Variants in DMXL1 observed in about 807,000 individuals in gnomAD.
The protein encoded by DMXL1 is Dmx like 1, also known as dmX-like protein 1.
DMXL1 carries 99 observed loss-of-function variants against 319.2 expected under a neutral mutation model. The ratio of observed to expected loss-of-function variants is 0.31; its 90% CI spans 0.26 to 0.37. The LOEUF is 0.37. Ranked by LOEUF, DMXL1 falls within the 10% of genes least tolerant of loss-of-function variation. The pLI is 1.00. For missense variants in DMXL1, 3,745 were observed against 3,595.6 expected, an observed-to-expected ratio of 1.04 and a Z score of -1.06; for synonymous variants, 1,385 against 1,235.2, an observed-to-expected ratio of 1.12 and a Z score of -2.54.
chr5:119,116,415 G>GAGA, intron 7 of DMXL1, 79 bp downstream of exon 7: 1 of 1,461,892 alleles, frequency 6.8e-7, no homozygotes, highest in Non-Finnish European at 9.4e-7. Context: ...TCACTTTTGA[G>GAGA]AGTCCATAGT....
chr5:119,187,352 A>T (rs978137228), intron 28 of DMXL1, among the ~76,000 whole-genome samples: 5 of 152,200 alleles, frequency 3.3e-5, no homozygotes, highest in Non-Finnish European at 7.3e-5. Flanking sequence ...AACGTTCTTG[A>T]TATTTGATTA....
chr5:119,174,343 C>CA, intron 25 of DMXL1, among the ~76,000 whole-genome samples: 1 of 152,104 alleles, frequency 6.6e-6, no homozygotes, highest in East Asian at 1.9e-4. Context: ...TCTGTTGGGT[C>CA]CTCTTGGTCG....
chr5:119,170,383 T>C lies in DMXL1; in HGVS notation c.5592T>C (p.Ala1864=). The C allele has an allele frequency of 6.2e-7, 1 of 1,613,986 alleles. No homozygotes were observed. The highest frequency in any genetic ancestry group is 8.5e-7 in the Non-Finnish European group (1 of 1,179,944). The change falls in exon 24 of 44, where the codon GCT becomes GCC. Residue 1864 remains alanine (A), a synonymous_variant. Transcript: ENST00000539542. Reference sequence around the variant, plus strand: ...GTTTATTTTTTACCACTGCCAGTGCTCATTTAAAAGCTGGCTGCCCAATGT... The same window carrying C: ...GTTTATTTTTTACCACTGCCAGTGCCCATTTAAAAGCTGGCTGCCCAATGT... ...ERRLFFTTAS[A]HLKAGCPMLA...
At chr5:119,072,534 TC>T (rs1749852975) in intron 1 of DMXL1, among the ~76,000 whole-genome samples, 1 of 152,200 alleles carries the variant, frequency 6.6e-6, no homozygotes, top group African/African-American at 2.4e-5. Flanking sequence ...TAGGCTTTTT[TC>T]TTTAAAAAAA....
chr5:119,147,624 CATT>C, intron 17 of DMXL1, 154 bp downstream of exon 17: 2 of 535,158 alleles, frequency 3.7e-6, no homozygotes, highest in Non-Finnish European at 6.6e-6. Flanking sequence ...TTATAGTTCT[CATT>C]ATGTTTTCAG....
chr5:119,135,294 CAG>C (rs1421553389), intron 13 of DMXL1, among the ~76,000 whole-genome samples: 10 of 151,804 alleles, frequency 6.6e-5, no homozygotes, highest in Non-Finnish European at 1.3e-4. Flanking sequence ...AGGAAGAAAA[CAG>C]ATAAAAATAT....
At chr5:119,173,756 ATATATATATATGTGTGTGTG>A (rs1775150000) in intron 25 of DMXL1, among the ~76,000 whole-genome samples, 1 of 97,490 alleles carries the variant, frequency 1.0e-5, no homozygotes, top group Non-Finnish European at 1.9e-5. Context: ...ATGTGTGTGT[ATATATATATATGTGTGTGTG>A]TATATATATA....
intron 42 of DMXL1, among the ~76,000 whole-genome samples, chr5:119,241,501 C>G (rs979413002): frequency 3.4e-5 from 5 of 145,862 alleles, no homozygotes; most frequent in African/African-American, 1.0e-4. Context: ...AGCCACTGCT[C>G]TCCAGCCTGG....
intron 10 of DMXL1, among the ~76,000 whole-genome samples, chr5:119,129,897 C>T (rs1245645083): frequency 6.6e-6 from 1 of 152,198 alleles, no homozygotes; most frequent in South Asian, 2.1e-4. Flanking sequence ...GAAAGCATAG[C>T]TATTTGTCAG....
chr5:119,137,157 A>G (rs370712746), intron 13 of DMXL1, among the ~76,000 whole-genome samples: 2 of 152,258 alleles, frequency 1.3e-5, no homozygotes, highest in African/African-American at 4.8e-5. Context: ...CCCTGGATGC[A>G]AGACATGTAG....
intron 19 of DMXL1, among the ~76,000 whole-genome samples, chr5:119,152,608 GTC>G (rs1770061863): frequency 6.6e-6 from 1 of 152,160 alleles, no homozygotes; most frequent in African/African-American, 2.4e-5. Context: ...ACTTTGAACT[GTC>G]TTAGCATAAC....
At chr5:119,100,528 T>C (rs1757014951) in intron 2 of DMXL1, 1 of 152,116 alleles carries the variant, frequency 6.6e-6, no homozygotes, top group African/African-American at 2.4e-5. Context: ...CCTAATTCAT[T>C]TTTCTGAGAA....
At chr5:119,114,147 A>G (rs1297527722) in intron 5 of DMXL1, among the ~76,000 whole-genome samples, 1 of 152,228 alleles carries the variant, frequency 6.6e-6, no homozygotes, top group Non-Finnish European at 1.5e-5. Context: ...ATGTTGGCAT[A>G]TAGGGATCCA....
At chr5:119,221,732 A>G (rs1784678860) in intron 37 of DMXL1, among the ~76,000 whole-genome samples, 2 of 152,070 alleles carry the variant, frequency 1.3e-5, no homozygotes, top group South Asian at 4.1e-4. Context: ...ATATCAATTA[A>G]TAACTATATC....
chr5:119,215,359 G>C (rs1190393542), intron 34 of DMXL1, among the ~76,000 whole-genome samples: 2 of 152,028 alleles, frequency 1.3e-5, no homozygotes, highest in African/African-American at 4.8e-5. Flanking sequence ...CTGGGCTGGA[G>C]TACAATGGCT....
At chr5:119,102,101 C>T in intron 3 of DMXL1, 95 bp downstream of exon 3, 1 of 688,278 alleles carries the variant, frequency 1.5e-6, no homozygotes, top group Non-Finnish European at 2.4e-6. Context: ...ATCGGTATTA[C>T]TTATATACTG....
intron 35 of DMXL1, among the ~76,000 whole-genome samples, chr5:119,218,794 G>A (rs1475699333): frequency 6.6e-6 from 1 of 152,160 alleles, no homozygotes; most frequent in Non-Finnish European, 1.5e-5. Context: ...TAAATTTGCA[G>A]CTGAGAAATA....
In DMXL1 at chr5:119,164,659, C is replaced by A. The variant is rs201096718; in HGVS notation, c.4855C>A (p.Arg1619Ser). 3.8e-6 allele frequency: 6 copies of A among 1,598,174 alleles called. No individual in the cohort carries two copies. In the Admixed American group the frequency reaches 8.5e-5, roughly 23 times the overall value. The change falls in exon 20 of 44, where the codon CGC becomes AGC. Residue 1619 changes from arginine to serine, a missense_variant. Transcript: ENST00000539542. ...GTGGGTCCGGAATACCCGCATCTTA[C>A]GCAAATGCATAGAAAAAGTAAGTGT... Reference protein sequence around the residue: ...GWWVRNTRILRKCIEKVAKAA... With the variant: ...GWWVRNTRILSKCIEKVAKAA...
At chr5:119,229,882 G>A (rs1786343196) in intron 38 of DMXL1, among the ~76,000 whole-genome samples, 1 of 152,080 alleles carries the variant, frequency 6.6e-6, no homozygotes, top group African/African-American at 2.4e-5. Context: ...TTTTCAGTGT[G>A]TCACAGGACA....
Sources: allele counts gnomAD v4.1 joint callset (sites outside exome capture counted in the v4.1 genomes callset), GRCh38; gene constraint gnomAD v4.1.1; transcripts MANE v1.5; gene names NCBI Gene and HGNC (gene_info 2026-07-23, HGNC 2026-07-21).